TENM2: variants seen among roughly 807,000 people sequenced by gnomAD.
TENM2 encodes teneurin transmembrane protein 2.
Under a neutral mutation model 245.2 loss-of-function variants are expected in TENM2, and 52 were observed. The ratio of observed to expected loss-of-function variants is 0.21; its 90% CI spans 0.17 to 0.27. The LOEUF (loss-of-function observed/expected upper bound fraction) is 0.27, where lower values mean the gene tolerates loss of function less well. Among genes scored for constraint, TENM2 ranks in the 10% least tolerant of loss-of-function variants. TENM2 has a pLI of 1.00. For missense variants in TENM2, 3,046 were observed against 3,666.8 expected, an observed-to-expected ratio of 0.83 and a Z score of 4.37; for synonymous variants, 1,363 against 1,438.9, an observed-to-expected ratio of 0.95 and a Z score of 1.19.
At chr5:167,275,324 A>G in the TENM2 span, among the ~76,000 whole-genome samples, 1 of 152,068 alleles carries the variant, frequency 6.6e-6, no homozygotes, top group African/African-American at 2.4e-5. Context: ...TTTTTTAAAT[A>G]ATTGTTTTAG....
chr5:167,598,441 TA>T (rs1220242159), intron 2 of TENM2, among the ~76,000 whole-genome samples: 3 of 152,194 alleles, frequency 2.0e-5, no homozygotes, highest in African/African-American at 4.8e-5. Flanking sequence ...TATGATATTT[TA>T]AAAGCAACTT....
chr5:167,290,930 C>A (rs1226483658), intron 1 of TENM2, among the ~76,000 whole-genome samples: 9 of 152,014 alleles, frequency 5.9e-5, no homozygotes, highest in Non-Finnish European at 1.2e-4. Context: ...AAAATTAATC[C>A]ATTTTCGTCA....
chr5:167,772,098 G>A (rs940242979), intron 2 of TENM2, among the ~76,000 whole-genome samples: 13 of 152,228 alleles, frequency 8.5e-5, no homozygotes, highest in African/African-American at 4.8e-5. Context: ...TCAGCCATCT[G>A]TTGTGGGCTG....
the TENM2 span, among the ~76,000 whole-genome samples, chr5:167,063,191 G>A: frequency 6.6e-6 from 1 of 152,094 alleles, no homozygotes; most frequent in African/African-American, 2.4e-5. Flanking sequence ...CTGGAGCCAC[G>A]TGTTGACTCT....
intron 2 of TENM2, among the ~76,000 whole-genome samples, chr5:167,726,834 C>T (rs899596816): frequency 2.0e-5 from 3 of 152,166 alleles, no homozygotes; most frequent in African/African-American, 7.2e-5. Context: ...ATTCCACGAG[C>T]TTGCTAATGG....
chr5:167,638,455 A>T (rs1299322715), intron 2 of TENM2, among the ~76,000 whole-genome samples: 1 of 152,194 alleles, frequency 6.6e-6, no homozygotes, highest in Non-Finnish European at 1.5e-5. Context: ...ATTGATGGTG[A>T]GTAAGAGAAA....
intron 2 of TENM2, among the ~76,000 whole-genome samples, chr5:167,405,416 T>C (rs1762575988): frequency 6.6e-6 from 1 of 152,092 alleles, no homozygotes; most frequent in Admixed American, 6.6e-5. Flanking sequence ...GCCCACAGGG[T>C]ACTGCTCATA....
chr5:167,076,843 T>G, the TENM2 span, among the ~76,000 whole-genome samples: 1 of 152,180 alleles, frequency 6.6e-6, no homozygotes, highest in Non-Finnish European at 1.5e-5. Flanking sequence ...GAGCTGTTCT[T>G]CTTTTTTCTT....
intron 2 of TENM2, among the ~76,000 whole-genome samples, chr5:167,859,118 C>T (rs1356504353): frequency 5.4e-5 from 7 of 129,596 alleles, no homozygotes; most frequent in Admixed American, 1.5e-4. Flanking sequence ...GCCTCTGCCC[C>T]GCCGCCCCAT....
At chr5:167,088,677 T>C in the TENM2 span, among the ~76,000 whole-genome samples, 1 of 152,064 alleles carries the variant, frequency 6.6e-6, no homozygotes, top group South Asian at 2.1e-4. Flanking sequence ...AAGCTATTTA[T>C]TTTTTAATTA....
At chr5:167,234,064 G>A in the TENM2 span, among the ~76,000 whole-genome samples, 5 of 152,082 alleles carry the variant, frequency 3.3e-5, no homozygotes, top group South Asian at 2.1e-4. Flanking sequence ...GATAGAACTC[G>A]GTACAGAGAA....
chr5:167,369,042 A>T (rs1368739543), intron 1 of TENM2, among the ~76,000 whole-genome samples: 1 of 152,096 alleles, frequency 6.6e-6, no homozygotes, highest in African/African-American at 2.4e-5. Flanking sequence ...AAGTGTAGGG[A>T]TGGGGCTCCT....
chr5:167,717,914 G>A (rs1186579154), intron 2 of TENM2, among the ~76,000 whole-genome samples: 1 of 152,200 alleles, frequency 6.6e-6, no homozygotes, highest in Non-Finnish European at 1.5e-5. Context: ...GTTGGAATTC[G>A]AAGTTGGTAG....
the TENM2 span, among the ~76,000 whole-genome samples, chr5:167,173,058 G>T: frequency 2.6e-5 from 4 of 152,140 alleles, no homozygotes; most frequent in Admixed American, 6.5e-5. Flanking sequence ...CATGTGAACT[G>T]TCTGAATAGA....
Position 167,974,030 on chromosome 5 carries a change from A to AG in TENM2, c.948-18912dup, listed in dbSNP as rs1163878508. Among the ~76,000 whole-genome samples, 9 of 67,174 alleles carry AG rather than the reference A, an allele frequency of 1.3e-4. 1 individual carries two copies. Among genetic ancestry groups the AG allele is most frequent in the East Asian group, 4.2e-3 (1 of 238 alleles). 44.1% of individuals were successfully genotyped at this position (67,174 alleles called of 152,430 possible). ...GAGGGAGGGAGGGAGGGAGGAAGGA[A>AG]GGAAGGAGAAGGAAGGAAGGGAGGA... On this transcript the variant is annotated intron_variant, in intron 4 of 28. Transcript: ENST00000518659.
chr5:167,388,806 T>C (rs1378698472), intron 2 of TENM2, among the ~76,000 whole-genome samples: 1 of 152,112 alleles, frequency 6.6e-6, no homozygotes, highest in African/African-American at 2.4e-5. Flanking sequence ...ACTTCCATGG[T>C]TTTGAGATTC....
chr5:168,052,126 A>G (rs149750334), intron 6 of TENM2, among the ~76,000 whole-genome samples: 1 of 152,010 alleles, frequency 6.6e-6, no homozygotes, highest in Admixed American at 6.6e-5. Flanking sequence ...GGCCAGGTGC[A>G]GTGGCTCATG....
chr5:167,093,952 G>A, the TENM2 span, among the ~76,000 whole-genome samples: 4 of 152,250 alleles, frequency 2.6e-5, no homozygotes, highest in East Asian at 5.8e-4. Context: ...AGTGGATGAC[G>A]GGAAATGCCC....
intron 2 of TENM2, among the ~76,000 whole-genome samples, chr5:167,536,650 G>A (rs1030801573): frequency 1.1e-4 from 17 of 152,198 alleles, no homozygotes; most frequent in African/African-American, 4.1e-4. Flanking sequence ...GCAACAAACA[G>A]GTAGAACTCA....
Sources: gnomAD v4.1 joint callset for allele counts (sites outside exome capture counted in the v4.1 genomes callset) on GRCh38, gnomAD v4.1.1 for gene constraint, MANE v1.5 for transcripts, NCBI Gene and HGNC (gene_info 2026-07-23, HGNC 2026-07-21) for gene names.